Variants in UMAD1 observed in about 807,000 individuals in gnomAD.
The protein encoded by UMAD1 is UBAP1-MVB12-associated (UMA) domain containing 1.
A neutral mutation model predicts 6.1 loss-of-function variants in UMAD1; 8 were observed. That is an observed-to-expected ratio of 1.30 (90% CI 0.76 to 2.35). The LOEUF is 2.35. Among genes scored for constraint, UMAD1 ranks in the 30% most tolerant of loss-of-function variants. UMAD1 has a pLI of 0.00. For synonymous variants in UMAD1, 56 were observed against 31.4 expected (o/e 1.78, Z -2.61); for missense variants, 130 against 78.4 (o/e 1.66, Z -2.49).
chr7:7,783,035 G>A (rs562980205), intron 2 of UMAD1, among the ~76,000 whole-genome samples: 3 of 152,260 alleles, frequency 2.0e-5, no homozygotes, highest in African/African-American at 7.2e-5. Context: ...GCCCAACCTA[G>A]TGTATAATCT....
intron 3 of UMAD1, among the ~76,000 whole-genome samples, chr7:7,808,651 A>G (rs76210326): frequency 0.061 from 9,246 of 151,918 alleles, 393 homozygotes; most frequent in Non-Finnish European, 0.088. Context: ...TGTATTTGTA[A>G]CTGCAGTTTT....
intron 2 of UMAD1, among the ~76,000 whole-genome samples, chr7:7,723,250 G>A (rs1341203977): frequency 6.6e-5 from 10 of 152,206 alleles, no homozygotes; most frequent in Admixed American, 1.3e-4. Context: ...GAGAACAGGC[G>A]TGGGAATTGA....
intron 1 of UMAD1, among the ~76,000 whole-genome samples, chr7:7,666,783 G>A (rs916097205): frequency 6.6e-6 from 1 of 151,792 alleles, no homozygotes; most frequent in African/African-American, 2.4e-5. Flanking sequence ...TCCCATTTTT[G>A]TGGTTTGGAC....
Position 7,673,354 on chromosome 7 carries a change from G to T in UMAD1, c.-18G>T, listed in dbSNP as rs1001449981. 7.8e-7 allele frequency: 1 copy of T among 1,282,340 alleles called. No homozygotes were observed. Among genetic ancestry groups the T allele is most frequent in the African/African-American group, 1.5e-5 (1 of 66,302 alleles). 79.4% of individuals were successfully genotyped at this position (1,282,340 alleles called of 1,614,324 possible). On this transcript the variant is annotated 5_prime_UTR_variant, in exon 2 of 4. Transcript: ENST00000682710. ...AGCAGCAGCAGCAGCAGCAGCAGCA[G>T]CAGCAGCAGCAGCAGCAATGTTTCA...
chr7:7,674,059 T>A (rs1779678727), intron 2 of UMAD1, among the ~76,000 whole-genome samples: 1 of 152,182 alleles, frequency 6.6e-6, no homozygotes, highest in African/African-American at 2.4e-5. Context: ...GAGGAAAAGT[T>A]TTGCACAACA....
At position 7,842,947 on chromosome 7, in the gene UMAD1, T is replaced by A. The variant is rs768740060; in HGVS notation, c.157-34334T>A. Among the ~76,000 whole-genome samples, 73 of 152,348 alleles carry A rather than the reference T, an allele frequency of 4.8e-4. No individual in the cohort carries two copies. In the Middle Eastern group the frequency reaches 0.01, roughly 21 times the overall value. ...GGTAGTTACAAAACCCAGTAGGGTC[T>A]GTCCTGTGACTGTGAAGGGGGACGC... On this transcript the variant is annotated intron_variant, in intron 3 of 3. Coordinates refer to ENST00000682710, the MANE Select transcript of UMAD1 (RefSeq NM_001302348.2).
intron 3 of UMAD1, among the ~76,000 whole-genome samples, chr7:7,849,343 A>G (rs543169030): frequency 6.6e-6 from 1 of 152,298 alleles, no homozygotes; most frequent in South Asian, 2.1e-4. Flanking sequence ...TAGCTTTTCT[A>G]AGGTCACACA....
At chr7:7,847,115 A>T (rs1283732573) in intron 3 of UMAD1, among the ~76,000 whole-genome samples, 1 of 14,936 alleles carries the variant, frequency 6.7e-5, no homozygotes, top group Non-Finnish European at 1.2e-4. Flanking sequence ...ATATATATAT[A>T]TATATATATA....
intron 1 of UMAD1, among the ~76,000 whole-genome samples, chr7:7,671,923 C>T (rs1779615433): frequency 6.6e-6 from 1 of 152,092 alleles, no homozygotes; most frequent in South Asian, 2.1e-4. Context: ...TTTTTCTTCT[C>T]CATTTTGAAT....
chr7:7,672,186 G>C (rs774583357), intron 1 of UMAD1, among the ~76,000 whole-genome samples: 4 of 152,104 alleles, frequency 2.6e-5, no homozygotes, highest in Non-Finnish European at 5.9e-5. Context: ...CTGCCACCAG[G>C]ATTATTCTTT....
rs116131871 is a variant in UMAD1 at position 7,874,441 on chromosome 7, A to G, written c.157-2840A>G. On this transcript the variant is annotated intron_variant, in intron 3 of 3. Coordinates refer to ENST00000682710, the MANE Select transcript of UMAD1 (RefSeq NM_001302348.2). ...GATTTTTTTCATCTAACATGCAACA[A>G]TTTAGATGAATCTCATCCACATAAT... Among the ~76,000 whole-genome samples the G allele has an allele frequency of 3.4e-3, 519 of 152,324 alleles. 2 individuals are homozygous for G. Among genetic ancestry groups the G allele is most frequent in the African/African-American group, 0.012 (489 of 41,568 alleles).
chr7:7,812,166 T>C lies in UMAD1; in HGVS notation c.156+10423T>C, dbSNP rs935400049. ...TGGGGTTAACTAGCACACTGAAACA[T>C]AATGTTCATTCACCCTAGCCAGTGA... On this transcript the variant is annotated intron_variant, in intron 3 of 3. Coordinates refer to ENST00000682710, the MANE Select transcript of UMAD1 (RefSeq NM_001302348.2). 3.4e-4 allele frequency among the ~76,000 whole-genome samples: 51 copies of C among 152,174 alleles called. 1 individual carries two copies. The highest frequency in any genetic ancestry group is 3.9e-4 in the Admixed American group (6 of 15,266).
rs542880802 is a variant in UMAD1, at chr7:7,875,420, T to G, written c.157-1861T>G. 5.8e-4 allele frequency among the ~76,000 whole-genome samples: 88 copies of G among 151,928 alleles called. No individual in the cohort carries two copies. In the South Asian group the frequency reaches 8.7e-3, roughly 15 times the overall value. On this transcript the variant is annotated intron_variant, in intron 3 of 3. Transcript: ENST00000682710. ...TCCAGGAGCTGGTTTTTTGAAAGAT[T>G]AACAAAATAGATGGACCATTAACCA...
rs1421743928 is a variant in UMAD1, at chr7:7,877,551, T to C, written c.*13T>C. On this transcript the variant is annotated 3_prime_UTR_variant, in exon 4 of 4. Transcript: ENST00000682710. ...CTGTGATTCATAACCTTTATGTCTG[T>C]TTGCACCTTAACAGCTTTAAAATAT... 2.1e-5 allele frequency: 15 copies of C among 715,842 alleles called. No homozygotes were observed. The highest frequency in any genetic ancestry group is 3.6e-5 in the Non-Finnish European group (14 of 384,430). The allele number at this position is 715,842 out of a possible 1,614,324, so 44.3% of individuals were successfully genotyped here.
chr7:7,825,800 A>C (rs1563237767), intron 3 of UMAD1, among the ~76,000 whole-genome samples: 1 of 152,194 alleles, frequency 6.6e-6, no homozygotes, highest in South Asian at 2.1e-4. Flanking sequence ...AGGATTCCCT[A>C]GATTGTGCCT....
intron 3 of UMAD1, among the ~76,000 whole-genome samples, chr7:7,839,512 A>G (rs912564122): frequency 1.3e-5 from 2 of 151,888 alleles, no homozygotes; most frequent in African/African-American, 4.8e-5. Flanking sequence ...GAGCCTTTTT[A>G]CTCTTGCTGT....
chr7:7,764,888 A>T (rs190389531), intron 2 of UMAD1, among the ~76,000 whole-genome samples: 12 of 152,190 alleles, frequency 7.9e-5, no homozygotes, highest in Admixed American at 4.6e-4. Flanking sequence ...TTTCTTTTGA[A>T]GCACTTCCTT....
Position 7,803,916 on chromosome 7 carries a change from A to G in UMAD1, c.156+2173A>G, listed in dbSNP as rs531143526. Among the ~76,000 whole-genome samples the G allele has an allele frequency of 4.6e-5, 7 of 152,348 alleles. No individual in the cohort carries two copies. In the South Asian group the frequency reaches 1.4e-3, roughly 32 times the overall value. On this transcript the variant is annotated intron_variant, in intron 3 of 3. Transcript: ENST00000682710. The stretch of plus-strand genomic sequence containing the variant: ...CACTTAGTTATGTGATTCATTGGAA[A>G]TGTCTGCAGAACTTGACTATTTTTC...
At chr7:7,864,602 T>TACACACACACAC (rs59036228) in intron 3 of UMAD1, among the ~76,000 whole-genome samples, 65 of 140,248 alleles carry the variant, frequency 4.6e-4, no homozygotes, top group Non-Finnish European at 6.8e-4. Context: ...ACATGAAAAC[T>TACACACACACAC]ACACACACAC....
Sources: allele counts gnomAD v4.1 joint callset (sites outside exome capture counted in the v4.1 genomes callset), GRCh38; gene constraint gnomAD v4.1.1; transcripts MANE v1.5; gene names NCBI Gene and HGNC (gene_info 2026-07-23, HGNC 2026-07-21).